TAOK1: variants seen among roughly 807,000 people sequenced by gnomAD.
The protein encoded by TAOK1 is TAO kinase 1.
In TAOK1, 21 loss-of-function variants were observed where a neutral mutation model predicts 138.3. The ratio of observed to expected loss-of-function variants is 0.15; its 90% confidence interval spans 0.11 to 0.22. The LOEUF is 0.22. TAOK1 is among the 10% of genes least tolerant of loss of function. The pLI is 1.00. For missense variants in TAOK1, 651 were observed against 1,227.7 expected, an observed-to-expected ratio of 0.53 and a Z score of 7.02; for synonymous variants, 361 against 398.4, an observed-to-expected ratio of 0.91 and a Z score of 1.12.
chr17:29,406,577 A>G (rs7208552), intron 1 of TAOK1, among the ~76,000 whole-genome samples: 97,980 of 151,830 alleles, frequency 0.65, 33,492 homozygotes, highest in East Asian at 0.97. Flanking sequence ...GCCCAGACTG[A>G]AGTGCAATGG....
intron 1 of TAOK1, among the ~76,000 whole-genome samples, chr17:29,409,716 TTTCTC>T: frequency 6.6e-6 from 1 of 152,224 alleles, no homozygotes; most frequent in Non-Finnish European, 1.5e-5. Flanking sequence ...TTTAATCTCT[TTTCTC>T]ACCTATATTC....
At chr17:29,498,212 T>A (rs1420766612) in intron 11 of TAOK1, 106 bp from the exon 12 acceptor site, 4 of 1,151,526 alleles carry the variant, frequency 3.5e-6, no homozygotes, top group Non-Finnish European at 5.0e-6. Flanking sequence ...AGACCAACTT[T>A]CTGAGACTGT....
At chr17:29,465,202 C>G (rs1056130096) in intron 2 of TAOK1, among the ~76,000 whole-genome samples, 1 of 121,300 alleles carries the variant, frequency 8.2e-6, no homozygotes, top group East Asian at 2.9e-4. Flanking sequence ...TGCAATGGCT[C>G]AAGTGCAATG....
intron 3 of TAOK1, among the ~76,000 whole-genome samples, chr17:29,468,168 A>G (rs495136): frequency 0.6 from 78,439 of 129,906 alleles, 24,703 homozygotes; most frequent in East Asian, 0.97. Flanking sequence ...CTGGAGTCTC[A>G]CTCTGCTGCC....
chr17:29,437,729 T>G (rs1362266037), intron 1 of TAOK1, among the ~76,000 whole-genome samples: 1 of 108,632 alleles, frequency 9.2e-6, no homozygotes, highest in East Asian at 5.2e-4. Flanking sequence ...TGCCTTTATA[T>G]TCTTCTTTTT....
intron 18 of TAOK1, among the ~76,000 whole-genome samples, chr17:29,530,984 C>T (rs1425344903): frequency 0.013 from 65 of 4,852 alleles, no homozygotes; most frequent in African/African-American, 0.043. Context: ...TTTTTTGAGA[C>T]GGAGTCTCAC....
chr17:29,423,740 T>C (rs1424432485), intron 1 of TAOK1, among the ~76,000 whole-genome samples: 2 of 127,408 alleles, frequency 1.6e-5, no homozygotes, highest in African/African-American at 6.1e-5. Flanking sequence ...TGAATTTAAT[T>C]CTTTATTTAT....
At chr17:29,488,145 C>A (rs913672537) in intron 8 of TAOK1, among the ~76,000 whole-genome samples, 1 of 152,308 alleles carries the variant, frequency 6.6e-6, no homozygotes. Context: ...TGTGCAGATG[C>A]TTAAGTCTCA....
chr17:29,397,647 T>TGTACATTCATGTATGATACATGTATAC (rs1384681685), intron 1 of TAOK1, among the ~76,000 whole-genome samples: 28 of 61,598 alleles, frequency 4.5e-4, no homozygotes, highest in South Asian at 3.6e-3. Context: ...TACATGTATA[T>TGTACATTCATGTATGATACATGTATAC]ATGTATATTC....
intron 1 of TAOK1, among the ~76,000 whole-genome samples, chr17:29,407,836 T>C (rs2153020653): frequency 6.6e-6 from 1 of 152,244 alleles, no homozygotes; most frequent in East Asian, 1.9e-4. Flanking sequence ...TTTCTCCTTA[T>C]TTACCTACCT....
Position 29,529,008 on chromosome 17 carries a change from A to G in TAOK1, c.2149-1399A>G, listed in dbSNP as rs544841383. Among the ~76,000 whole-genome samples, 38 of 128,672 alleles carry G rather than the reference A, an allele frequency of 3.0e-4. No homozygotes were observed. The South Asian group carries it at 3.8e-3, about 13-fold the overall frequency. 84.4% of individuals were successfully genotyped at this position (128,672 alleles called of 152,430 possible). A position where few individuals can be genotyped will look rare whatever the true frequency, so the allele number is the denominator to read the frequency against. On this transcript the variant is annotated intron_variant, in intron 17 of 19. Coordinates refer to ENST00000261716, the MANE Select transcript of TAOK1 (RefSeq NM_020791.4). ...TTTTAAGAGACCAGTGTCTCACTCT[A>G]TTGTTCAGCCTAGAGTCCAATGATG...
intron 17 of TAOK1, among the ~76,000 whole-genome samples, chr17:29,524,639 A>G (rs966765993): frequency 1.3e-5 from 2 of 152,210 alleles, no homozygotes; most frequent in Non-Finnish European, 1.5e-5. Flanking sequence ...TACTTAGTCA[A>G]CTTGAACATT....
chr17:29,542,730 C>T lies in TAOK1; in HGVS notation c.2714C>T (p.Pro905Leu), dbSNP rs1263337727. ...LSPEAFSHSYPGASGWSHNPT... is the reference protein window; with the variant it reads ...LSPEAFSHSYLGASGWSHNPT... ...CCTGAGGCATTCAGCCACAGCTACC[C>T]GGGAGCTTCTGGTTGGTCACACAAC... Residue 905 changes from proline to leucine, a missense_variant, in exon 20 of 20, where the codon CCG (proline) becomes CTG (leucine). Pro to Leu is a moderately conservative substitution (Grantham distance 98). Coordinates refer to ENST00000261716, the MANE Select transcript of TAOK1 (RefSeq NM_020791.4). 3.7e-6 allele frequency: 6 copies of T among 1,614,082 alleles called. No individual in the cohort carries two copies. The highest frequency in any genetic ancestry group is 1.1e-5 in the South Asian group (1 of 91,080).
chr17:29,454,479 C>CA (rs1261098814), intron 2 of TAOK1, among the ~76,000 whole-genome samples: 1 of 150,770 alleles, frequency 6.6e-6, no homozygotes. Context: ...TTTATTTCTG[C>CA]AAAAAAAGAC....
intron 17 of TAOK1, among the ~76,000 whole-genome samples, chr17:29,528,328 G>A (rs1056660683): frequency 1.3e-5 from 2 of 152,230 alleles, no homozygotes; most frequent in East Asian, 1.9e-4. Flanking sequence ...GATTGCAGGC[G>A]TGAGCCACCA....
In TAOK1 at chr17:29,503,171, C is replaced by T. The variant is rs929068161; in HGVS notation, c.1338+448C>T. ...CAGCACTTTGGGAGGCCGAAGCGGG[C>T]GGATCACGAGGTCAGGAGATCGAGA... On this transcript the variant is annotated intron_variant, in intron 13 of 19. Transcript: ENST00000261716. Among the ~76,000 whole-genome samples, 6 of 151,810 alleles carry T rather than the reference C, an allele frequency of 4.0e-5. 1 individual carries two copies. The highest frequency in any genetic ancestry group is 1.3e-4 in the Admixed American group (2 of 15,218).
rs377040359 is a variant in TAOK1, at chr17:29,528,968, C to CTTT, written c.2149-1423_2149-1421dup. On this transcript the variant is annotated intron_variant, in intron 17 of 19. Transcript: ENST00000261716. ...TCTCACCAATAAAGTGCTTTTATAT[C>CTTT]TTTTTTTTTTTTTTTTTTAAGAGAC... Among the ~76,000 whole-genome samples, 559 of 126,944 alleles carry CTTT rather than the reference C, an allele frequency of 4.4e-3. 1 individual carries two copies. The highest frequency in any genetic ancestry group is 0.015 in the African/African-American group (514 of 34,704). The allele number at this position is 126,944 out of a possible 152,430, so 83.3% of individuals were successfully genotyped here. A position where few individuals can be genotyped will look rare whatever the true frequency, so the allele number is the denominator to read the frequency against.
At chr17:29,499,619 G>A (rs1598509103) in intron 12 of TAOK1, among the ~76,000 whole-genome samples, 1 of 148,994 alleles carries the variant, frequency 6.7e-6, no homozygotes, top group Admixed American at 6.8e-5. Context: ...GAGTGCAGTG[G>A]CGCAATCTCG....
chr17:29,495,587 G>C lies in TAOK1; in HGVS notation c.859G>C (p.Glu287Gln). ...KHIFVLRERPETVLIDLIQRT... is the reference protein window; with the variant it reads ...KHIFVLRERPQTVLIDLIQRT... ...CATATTTGTTCTTCGGGAGCGCCCTGAAACCGTGTTAATAGATCTCATTCA... is the reference window on the plus strand; with the variant it reads ...CATATTTGTTCTTCGGGAGCGCCCTCAAACCGTGTTAATAGATCTCATTCA... The change falls in exon 11 of 20, where the codon GAA (glutamate) becomes CAA (glutamine). Residue 287 changes from glutamate (E) to glutamine (Q), a missense_variant. Glu to Gln is a conservative substitution (Grantham distance 29). Around this residue, in one of 8 missense-constraint regions of TAOK1, gnomAD observed 39 missense variants for 52.5 expected, o/e 0.74. Coordinates refer to ENST00000261716, the MANE Select transcript of TAOK1 (RefSeq NM_020791.4). 1 of 1,606,512 alleles carries C rather than the reference G, an allele frequency of 6.2e-7. No homozygotes were observed. The highest frequency in any genetic ancestry group is 8.5e-7 in the Non-Finnish European group (1 of 1,175,226).
Sources: gnomAD v4.1 joint callset for allele counts (sites outside exome capture counted in the v4.1 genomes callset) on GRCh38, gnomAD v4.1.1 for gene constraint, gnomAD v4.1.1 regional missense constraint, MANE v1.5 for transcripts, NCBI Gene and HGNC (gene_info 2026-07-23, HGNC 2026-07-21) for gene names.